The following MAGI2 variants were observed in gnomAD, a reference collection of about 807,000 sequenced individuals.
The protein encoded by MAGI2 is membrane-associated guanylate kinase, WW and PDZ domain-containing protein 2.
Under a neutral mutation model 133.3 loss-of-function variants are expected in MAGI2, and 35 were observed. That is an observed-to-expected ratio of 0.26 (90% confidence interval 0.20 to 0.35). The LOEUF is 0.35. MAGI2 is among the 10% of genes least tolerant of loss of function. MAGI2 has a pLI of 1.00. For synonymous variants in MAGI2, 729 were observed against 710.6 expected (o/e 1.03, Z -0.41); for missense variants, 1,636 against 1,863.4 (o/e 0.88, Z 2.25).
In MAGI2 at chr7:78,019,215, T is replaced by A; in HGVS notation, c.*100A>T. ...CTCCCAGGCCTTGGTGCCTCGTGGA[T>A]CTATGCGTGTGACAGTGAAAATAAA... is the stretch of plus-strand genomic sequence containing the variant. On this transcript the variant is annotated 3_prime_UTR_variant, in exon 22 of 22. Transcript: ENST00000354212. The A allele has an allele frequency of 7.3e-7, 1 of 1,367,224 alleles. No individual in the cohort carries two copies. The highest frequency in any genetic ancestry group is 9.9e-7 in the Non-Finnish European group (1 of 1,006,846). 84.7% of individuals were successfully genotyped at this position (1,367,224 alleles called of 1,614,324 possible). A position where few individuals can be genotyped will look rare whatever the true frequency, so the allele number is the denominator to read the frequency against.
intron 1 of MAGI2, among the ~76,000 whole-genome samples, chr7:79,342,553 C>T (rs1840980136): frequency 6.6e-6 from 1 of 152,162 alleles, no homozygotes; most frequent in Non-Finnish European, 1.5e-5. Context: ...AGAAACTCTT[C>T]TTAATCTGAT....
At chr7:78,176,616 A>G (rs759719777) in intron 14 of MAGI2, among the ~76,000 whole-genome samples, 2 of 152,174 alleles carry the variant, frequency 1.3e-5, no homozygotes, top group Non-Finnish European at 2.9e-5. Context: ...TAACCGTTTC[A>G]GATTCCTCTC....
chr7:79,143,143 T>G (rs1278615381), intron 1 of MAGI2, among the ~76,000 whole-genome samples: 2 of 152,230 alleles, frequency 1.3e-5, no homozygotes, highest in Non-Finnish European at 2.9e-5. Context: ...AAGTTGTGTT[T>G]AATCAGTATA....
chr7:79,109,204 G>A (rs1343301120), intron 1 of MAGI2, among the ~76,000 whole-genome samples: 1 of 152,214 alleles, frequency 6.6e-6, no homozygotes, highest in African/African-American at 2.4e-5. Context: ...GCAGGCAGAG[G>A]TTGGAAGGGT....
intron 3 of MAGI2, among the ~76,000 whole-genome samples, chr7:78,528,107 T>A (rs1010759249): frequency 2.6e-5 from 4 of 152,208 alleles, no homozygotes; most frequent in African/African-American, 9.6e-5. Context: ...TCAATGGTAT[T>A]CCCAGAGAGC....
intron 2 of MAGI2, among the ~76,000 whole-genome samples, chr7:78,819,760 T>C (rs1413861554): frequency 1.3e-5 from 2 of 152,034 alleles, no homozygotes; most frequent in African/African-American, 2.4e-5. Flanking sequence ...ACTATTTAGT[T>C]CCATTAACCC....
chr7:78,994,625 A>G (rs1806106712), intron 2 of MAGI2, among the ~76,000 whole-genome samples: 1 of 152,120 alleles, frequency 6.6e-6, no homozygotes, highest in South Asian at 2.1e-4. Context: ...CATCACACAA[A>G]TGGATATAGG....
chr7:78,464,273 T>A (rs1418440328), intron 6 of MAGI2, among the ~76,000 whole-genome samples: 1 of 152,196 alleles, frequency 6.6e-6, no homozygotes, highest in Non-Finnish European at 1.5e-5. Context: ...GCTTCTACTC[T>A]GCGACACTCC....
At chr7:78,522,030 G>T (rs71573392) in intron 3 of MAGI2, among the ~76,000 whole-genome samples, 15,666 of 152,070 alleles carry the variant, frequency 0.1, 1,030 homozygotes, top group Non-Finnish European at 0.14. Flanking sequence ...TAATTTTTTT[G>T]TAGTGGGGTA....
chr7:78,682,448 C>T (rs1159678776), intron 2 of MAGI2, among the ~76,000 whole-genome samples: 1 of 152,134 alleles, frequency 6.6e-6, no homozygotes, highest in Non-Finnish European at 1.5e-5. Flanking sequence ...TGTTCAACTC[C>T]CACTTATGAG....
At chr7:78,454,679 A>G (rs1299837119) in intron 6 of MAGI2, among the ~76,000 whole-genome samples, 1 of 152,200 alleles carries the variant, frequency 6.6e-6, no homozygotes, top group Non-Finnish European at 1.5e-5. Context: ...TATGTCTTTC[A>G]TAGTTTTAAC....
At chr7:78,590,209 G>A (rs191330519) in intron 3 of MAGI2, among the ~76,000 whole-genome samples, 1 of 152,322 alleles carries the variant, frequency 6.6e-6, no homozygotes, top group Non-Finnish European at 1.5e-5. Flanking sequence ...GCAATTTGAA[G>A]CTTCAGCCAT....
chr7:78,561,235 G>A (rs12705588), intron 3 of MAGI2, among the ~76,000 whole-genome samples: 63,052 of 152,022 alleles, frequency 0.41, 14,142 homozygotes, highest in Middle Eastern at 0.55. Flanking sequence ...GGTAGGTGTG[G>A]GCTCACGAGA....
intron 20 of MAGI2, among the ~76,000 whole-genome samples, chr7:78,119,094 A>G (rs1316209713): frequency 6.6e-6 from 1 of 152,230 alleles, no homozygotes; most frequent in Non-Finnish European, 1.5e-5. Flanking sequence ...ACTATATGAC[A>G]TGGTGGAAAA....
At chr7:78,886,296 G>A (rs534745934) in intron 2 of MAGI2, among the ~76,000 whole-genome samples, 1 of 152,308 alleles carries the variant, frequency 6.6e-6, no homozygotes. Context: ...AACATAAATA[G>A]ACTTTGTATT....
chr7:78,686,119 A>AT (rs5885087), intron 2 of MAGI2, among the ~76,000 whole-genome samples: 45 of 150,928 alleles, frequency 3.0e-4, no homozygotes, highest in Middle Eastern at 3.4e-3. Context: ...ATGAAATGTG[A>AT]TTTTTTTTTT....
chr7:78,930,057 T>C (rs577726032), intron 2 of MAGI2, among the ~76,000 whole-genome samples: 20 of 152,218 alleles, frequency 1.3e-4, no homozygotes, highest in Admixed American at 1.1e-3. Flanking sequence ...TTCTCATTGT[T>C]AGTTCAATGA....
intron 6 of MAGI2, among the ~76,000 whole-genome samples, chr7:78,409,299 T>A (rs1328336994): frequency 6.6e-6 from 1 of 152,078 alleles, no homozygotes; most frequent in African/African-American, 2.4e-5. Flanking sequence ...TTCTGTTGAA[T>A]GAATAAATAG....
chr7:78,740,502 C>T (rs1259458912), intron 2 of MAGI2, among the ~76,000 whole-genome samples: 3 of 152,126 alleles, frequency 2.0e-5, no homozygotes, highest in African/African-American at 4.8e-5. Flanking sequence ...TATACAGAAG[C>T]GATGGTACTT....
Sources: gnomAD v4.1 joint callset for allele counts (sites outside exome capture counted in the v4.1 genomes callset) on GRCh38, gnomAD v4.1.1 for gene constraint, MANE v1.5 for transcripts, NCBI Gene and HGNC (gene_info 2026-07-23, HGNC 2026-07-21) for gene names.